The following RHOBTB1 variants were observed in gnomAD, a reference collection of about 807,000 sequenced individuals.
RHOBTB1 encodes rho-related BTB domain-containing protein 1.
RHOBTB1 carries 40 observed loss-of-function variants against 71.6 expected under a neutral mutation model. The observed-to-expected ratio is 0.56, with a 90% CI of 0.43 to 0.73. RHOBTB1 has a LOEUF of 0.73. Ranked by LOEUF, RHOBTB1 falls within the 30% of genes least tolerant of loss-of-function variation. The probability of loss-of-function intolerance (pLI) is 0.00; values close to 1 mark genes in which losing one functional copy is unlikely to be tolerated. For missense variants in RHOBTB1, 797 were observed against 894.0 expected, an observed-to-expected ratio of 0.89 and a Z score of 1.38; for synonymous variants, 319 against 334.9, an observed-to-expected ratio of 0.95 and a Z score of 0.52.
rs1284907776 is a variant in RHOBTB1, at chr10:60,892,810, C to T, written c.482G>A (p.Arg161Lys). Residue 161 changes from arginine (R) to lysine (K), a missense_variant and splice_region_variant, in exon 5 of 11, where the codon AGG becomes AAG. Around this residue, in one of 2 missense-constraint regions of RHOBTB1, gnomAD observed 658 missense variants for 681.5 expected, o/e 0.97. Coordinates refer to ENST00000337910, the MANE Select transcript of RHOBTB1 (RefSeq NM_014836.5). ...GGAAACACTGAGTCCCTTGGCTTAC[C>T]TTGCTAACGGGCGCCTGGCTCGATT... is the stretch of plus-strand genomic sequence containing the variant. The part of the protein sequence containing the change: ...AVNRARRPLA[R>K]PIKRGDILPP... 6.2e-7 allele frequency: 1 copy of T among 1,611,370 alleles called. No homozygotes were observed. The highest frequency in any genetic ancestry group is 2.2e-5 in the East Asian group (1 of 44,836).
intron 6 of RHOBTB1, among the ~76,000 whole-genome samples, chr10:60,887,075 T>A (rs1470748439): frequency 1.5e-4 from 22 of 143,232 alleles, no homozygotes; most frequent in African/African-American, 3.3e-4. Context: ...TTCATAGCTT[T>A]AAAAAAAAAA....
At chr10:60,900,503 T>C (rs1411196821) in intron 4 of RHOBTB1, among the ~76,000 whole-genome samples, 1 of 152,220 alleles carries the variant, frequency 6.6e-6, no homozygotes, top group Non-Finnish European at 1.5e-5. Context: ...AACCCTGAAT[T>C]GTAATGGTTT....
chr10:60,950,258 A>T (rs1324704960), intron 2 of RHOBTB1, among the ~76,000 whole-genome samples: 1 of 152,222 alleles, frequency 6.6e-6, no homozygotes, highest in East Asian at 1.9e-4. Context: ...TGACATTTTA[A>T]AAAGCAAAAA....
At chr10:60,872,734 T>G (rs1389812514) in intron 9 of RHOBTB1, among the ~76,000 whole-genome samples, 2 of 152,204 alleles carry the variant, frequency 1.3e-5, no homozygotes, top group Non-Finnish European at 2.9e-5. Flanking sequence ...AAGAGGAGAC[T>G]GCAGAATGTG....
rs1247721840 is a variant in RHOBTB1 at position 60,981,285 on chromosome 10, AAAT to A, written c.-62+4557_-62+4559del. The stretch of plus-strand genomic sequence containing the variant: ...GGTCCCCAGAATTACTTTAGGGTCA[AAAT>A]AATAAAGATGATGAAAATAATAACT... On this transcript the variant is annotated intron_variant, in intron 2 of 11. Transcript: ENST00000357917. 3.9e-5 allele frequency among the ~76,000 whole-genome samples: 6 copies of A among 152,202 alleles called. No homozygotes were observed. In the East Asian group the frequency reaches 1.2e-3, roughly 29 times the overall value.
chr10:60,889,364 A>C (rs145940073), intron 5 of RHOBTB1, among the ~76,000 whole-genome samples, 179 bp from the exon 6 acceptor site: 17 of 152,370 alleles, frequency 1.1e-4, no homozygotes, highest in Non-Finnish European at 2.2e-4. Flanking sequence ...TGATTGAAGG[A>C]AAAAATAATG....
At position 60,956,864 on chromosome 10, in the gene RHOBTB1, A is replaced by G. The variant is rs973851714; in HGVS notation, c.-61-15010T>C. On this transcript the variant is annotated intron_variant, in intron 2 of 11. Coordinates refer to the RHOBTB1 transcript ENST00000357917. Reference sequence around the variant, plus strand: ...CCCTCCATCTAAATTTGTGGTCTACAATGTGTCAGTTACAGATACTCAGAA... The same window carrying G: ...CCCTCCATCTAAATTTGTGGTCTACGATGTGTCAGTTACAGATACTCAGAA... Among the ~76,000 whole-genome samples the G allele has an allele frequency of 2.0e-5, 3 of 152,178 alleles. No individual in the cohort carries two copies. The East Asian group carries it at 5.8e-4, about 29-fold the overall frequency.
rs1317590171 is a variant in RHOBTB1 at position 60,880,197 on chromosome 10, G to C, written c.1576-2139C>G. 4.2e-5 allele frequency among the ~76,000 whole-genome samples: 6 copies of C among 142,010 alleles called. No homozygotes were observed. In the East Asian group the frequency reaches 1.2e-3, roughly 29 times the overall value. The allele number at this position is 142,010 out of a possible 152,430, so 93.2% of individuals were successfully genotyped here. On this transcript the variant is annotated intron_variant, in intron 7 of 10. Transcript: ENST00000337910. ...GATGACTGTGTGTGTGTGTGTGTGT[G>C]TGTGTGAGAGAGAGAGAGAGAGAGA...
chr10:60,910,575 G>A (rs1015702652), intron 4 of RHOBTB1, among the ~76,000 whole-genome samples: 1 of 152,184 alleles, frequency 6.6e-6, no homozygotes, highest in Non-Finnish European at 1.5e-5. Context: ...GGCAAGTGAA[G>A]TGTTACTCAG....
intron 2 of RHOBTB1, among the ~76,000 whole-genome samples, chr10:60,976,485 A>G (rs1048079040): frequency 3.9e-5 from 6 of 152,002 alleles, no homozygotes; most frequent in African/African-American, 1.4e-4. Context: ...ATACTGAAGT[A>G]CAGCCCCGTC....
intron 1 of RHOBTB1, among the ~76,000 whole-genome samples, chr10:60,990,072 T>C (rs1446321069): frequency 6.9e-6 from 1 of 143,952 alleles, no homozygotes; most frequent in Non-Finnish European, 1.5e-5. Context: ...AAGCTCCGCC[T>C]CCTGAGTTCA....
At chr10:60,997,767 A>G (rs1335161858) in intron 1 of RHOBTB1, among the ~76,000 whole-genome samples, 1 of 152,234 alleles carries the variant, frequency 6.6e-6, no homozygotes, top group East Asian at 1.9e-4. Flanking sequence ...AAAATAGGTT[A>G]TACATACTAA....
At chr10:60,897,600 A>G (rs1028818478) in intron 4 of RHOBTB1, among the ~76,000 whole-genome samples, 1 of 152,212 alleles carries the variant, frequency 6.6e-6, no homozygotes, top group East Asian at 1.9e-4. Flanking sequence ...CCAGAAAGCT[A>G]TGAGTGGGAC....
chr10:60,918,012 C>T (rs958777930), intron 2 of RHOBTB1, among the ~76,000 whole-genome samples: 1 of 152,070 alleles, frequency 6.6e-6, no homozygotes, highest in African/African-American at 2.4e-5. Context: ...CTTATATTAA[C>T]AAATCATGGA....
intron 2 of RHOBTB1, among the ~76,000 whole-genome samples, chr10:60,979,440 A>C (rs978074833): frequency 2.0e-5 from 3 of 152,214 alleles, no homozygotes; most frequent in Admixed American, 1.3e-4. Context: ...GCTGTGGGTA[A>C]GGGGATCAAA....
At chr10:60,960,522 A>C (rs2085742576) in intron 2 of RHOBTB1, among the ~76,000 whole-genome samples, 1 of 152,196 alleles carries the variant, frequency 6.6e-6, no homozygotes, top group Non-Finnish European at 1.5e-5. Flanking sequence ...TTTGTCTGAA[A>C]GTCATATTCA....
chr10:60,896,059 A>T (rs1240044690), intron 4 of RHOBTB1, among the ~76,000 whole-genome samples: 3 of 151,554 alleles, frequency 2.0e-5, no homozygotes, highest in Admixed American at 6.6e-5. Flanking sequence ...ATTTTGAGCC[A>T]TTTTTTTTTA....
chr10:60,956,969 C>A (rs932212759), intron 2 of RHOBTB1, among the ~76,000 whole-genome samples: 1 of 152,152 alleles, frequency 6.6e-6, no homozygotes, highest in South Asian at 2.1e-4. Context: ...ACCAACATAT[C>A]GCTGTCTTGA....
chr10:60,921,144 C>T (rs1242635239), intron 2 of RHOBTB1, among the ~76,000 whole-genome samples: 11 of 151,994 alleles, frequency 7.2e-5, no homozygotes, highest in Non-Finnish European at 1.5e-4. Context: ...GATGGAGTTT[C>T]ACCATGTTGG....
Sources: allele counts gnomAD v4.1 joint callset (sites outside exome capture counted in the v4.1 genomes callset), GRCh38; gene constraint gnomAD v4.1.1; regional missense constraint gnomAD v4.1.1; transcripts MANE v1.5; gene names NCBI Gene and HGNC (gene_info 2026-07-23, HGNC 2026-07-21).